Variants in CHCHD3 observed in about 807,000 individuals in gnomAD.
CHCHD3 encodes MICOS complex subunit MIC19.
A neutral mutation model predicts 38.2 loss-of-function variants in CHCHD3; 20 were observed. That is an observed-to-expected ratio of 0.52 (90% confidence interval 0.37 to 0.76). The LOEUF (loss-of-function observed/expected upper bound fraction) is 0.76, where lower values mean the gene tolerates loss of function less well. CHCHD3 is among the 30% of genes least tolerant of loss of function. The probability of loss-of-function intolerance (pLI) is 0.00; values close to 1 mark genes in which losing one functional copy is unlikely to be tolerated. For missense variants in CHCHD3, 245 were observed against 279.2 expected, an observed-to-expected ratio of 0.88 and a Z score of 0.87; for synonymous variants, 82 against 100.0, an observed-to-expected ratio of 0.82 and a Z score of 1.07.
chr7:132,810,953 A>C (rs997291037), intron 6 of CHCHD3, among the ~76,000 whole-genome samples: 1 of 152,180 alleles, frequency 6.6e-6, no homozygotes, highest in Admixed American at 6.5e-5. Flanking sequence ...CTTCTTTGGT[A>C]AACTCACTCT....
chr7:132,910,826 C>A (rs1340068291), intron 4 of CHCHD3, among the ~76,000 whole-genome samples: 1 of 152,176 alleles, frequency 6.6e-6, no homozygotes, highest in African/African-American at 2.4e-5. Flanking sequence ...CTGACCCTAC[C>A]GAGTCTGAGT....
chr7:132,984,054 T>C (rs2117351322), intron 3 of CHCHD3, among the ~76,000 whole-genome samples: 2 of 151,632 alleles, frequency 1.3e-5, no homozygotes, highest in South Asian at 4.2e-4. Flanking sequence ...CTCCCCATGG[T>C]CTCCCTCTCC....
intron 4 of CHCHD3, among the ~76,000 whole-genome samples, chr7:132,920,197 G>A (rs936478879): frequency 6.6e-6 from 1 of 152,124 alleles, no homozygotes; most frequent in African/African-American, 2.4e-5. Context: ...TGGAAATAAA[G>A]TTTTATCGGA....
chr7:132,918,313 G>A lies in CHCHD3; in HGVS notation c.370-32568C>T, dbSNP rs140272494. On this transcript the variant is annotated intron_variant, in intron 4 of 7. Coordinates refer to ENST00000262570, the MANE Select transcript of CHCHD3 (RefSeq NM_017812.4). ...GACTTCATGGGCTACCCAGGCTTTA[G>A]ATTCCCCATCAGTAAAATGAAGCTA... Among the ~76,000 whole-genome samples the A allele has an allele frequency of 2.1e-3, 327 of 152,310 alleles. 1 individual carries two copies. Among genetic ancestry groups the A allele is most frequent in the African/African-American group, 7.4e-3 (306 of 41,578 alleles).
At chr7:132,862,421 G>A (rs183120270) in intron 5 of CHCHD3, among the ~76,000 whole-genome samples, 12 of 152,132 alleles carry the variant, frequency 7.9e-5, no homozygotes, top group African/African-American at 2.2e-4. Context: ...TCTGTTAAGC[G>A]TGCAATAGCA....
intron 4 of CHCHD3, among the ~76,000 whole-genome samples, chr7:132,898,110 C>T (rs984121274): frequency 2.0e-5 from 3 of 152,082 alleles, no homozygotes; most frequent in African/African-American, 7.2e-5. Flanking sequence ...AAGCTGCAGA[C>T]CTTCGCGGTG....
Position 133,017,070 on chromosome 7 carries a change from AAG to A in CHCHD3, c.251+7474_251+7475del, listed in dbSNP as rs370845571. Among the ~76,000 whole-genome samples, 493 of 152,366 alleles carry A rather than the reference AAG, an allele frequency of 3.2e-3. 3 individuals carry two copies. In the South Asian group the frequency reaches 0.037, roughly 12 times the overall value. On this transcript the variant is annotated intron_variant, in intron 3 of 7. Coordinates refer to ENST00000262570, the MANE Select transcript of CHCHD3 (RefSeq NM_017812.4). ...ACCTTGACCAAAGTTTTCTTGAAGA[AAG>A]CCCCAGTTAGCACAAGGGCCTGGGT...
chr7:132,876,164 C>T (rs887359144), intron 5 of CHCHD3, among the ~76,000 whole-genome samples: 1 of 152,100 alleles, frequency 6.6e-6, no homozygotes, highest in African/African-American at 2.4e-5. Context: ...AAATGAAGTA[C>T]ATTTGAAATT....
At chr7:132,858,964 G>A (rs1808414746) in intron 5 of CHCHD3, among the ~76,000 whole-genome samples, 1 of 152,132 alleles carries the variant, frequency 6.6e-6, no homozygotes, top group East Asian at 1.9e-4. Flanking sequence ...TAATTTACCA[G>A]GTCATTTGAG....
At chr7:132,883,030 T>G (rs1236123182) in intron 5 of CHCHD3, among the ~76,000 whole-genome samples, 2 of 135,770 alleles carry the variant, frequency 1.5e-5, no homozygotes, top group Non-Finnish European at 3.4e-5. Context: ...TAGTTTCCCC[T>G]GCACGCTCTC....
At chr7:133,028,142 A>G (rs554527505) in intron 2 of CHCHD3, among the ~76,000 whole-genome samples, 3 of 152,334 alleles carry the variant, frequency 2.0e-5, no homozygotes, top group South Asian at 4.1e-4. Context: ...AATTAGTATG[A>G]TTGATCATAC....
intron 3 of CHCHD3, among the ~76,000 whole-genome samples, chr7:132,991,823 A>G (rs1396814781): frequency 1.3e-5 from 2 of 152,024 alleles, no homozygotes; most frequent in Non-Finnish European, 2.9e-5. Flanking sequence ...CTGGTCTATC[A>G]TTTATGTACA....
At chr7:132,834,421 C>T (rs1362256032) in intron 6 of CHCHD3, among the ~76,000 whole-genome samples, 1 of 152,150 alleles carries the variant, frequency 6.6e-6, no homozygotes, top group East Asian at 1.9e-4. Flanking sequence ...AGAATTTCTT[C>T]AAAGTGTGTT....
intron 2 of CHCHD3, among the ~76,000 whole-genome samples, chr7:133,025,756 GGCCTCCC>G (rs1371561144): frequency 1.3e-5 from 2 of 152,134 alleles, no homozygotes; most frequent in Non-Finnish European, 2.9e-5. Flanking sequence ...CGCCCACCTT[GGCCTCCC>G]AAAGTGCTGG....
At chr7:132,851,470 G>A (rs1808217637) in intron 5 of CHCHD3, among the ~76,000 whole-genome samples, 1 of 151,878 alleles carries the variant, frequency 6.6e-6, no homozygotes. Context: ...TTCTATTATT[G>A]TAGCTCTTCT....
intron 5 of CHCHD3, among the ~76,000 whole-genome samples, chr7:132,839,205 A>C (rs1807877234): frequency 6.6e-6 from 1 of 152,108 alleles, no homozygotes; most frequent in African/African-American, 2.4e-5. Context: ...AAAAAAAAAA[A>C]AGTTTTCTTT....
intron 3 of CHCHD3, among the ~76,000 whole-genome samples, chr7:132,977,893 A>G (rs1306095656): frequency 6.6e-6 from 1 of 152,206 alleles, no homozygotes; most frequent in African/African-American, 2.4e-5. Flanking sequence ...AGTTAATGAA[A>G]AAGAAGCAAA....
At chr7:133,016,268 T>C (rs1813027827) in intron 3 of CHCHD3, among the ~76,000 whole-genome samples, 1 of 152,166 alleles carries the variant, frequency 6.6e-6, no homozygotes, top group African/African-American at 2.4e-5. Context: ...CTTAGAACAG[T>C]GCTTAGCACA....
At chr7:133,036,710 C>A (rs1489581100) in intron 2 of CHCHD3, among the ~76,000 whole-genome samples, 1 of 152,062 alleles carries the variant, frequency 6.6e-6, no homozygotes, top group South Asian at 2.1e-4. Flanking sequence ...AGATGAAATG[C>A]CGTAGAATGA....
Sources: gnomAD v4.1 joint callset for allele counts (sites outside exome capture counted in the v4.1 genomes callset) on GRCh38, gnomAD v4.1.1 for gene constraint, MANE v1.5 for transcripts, NCBI Gene and HGNC (gene_info 2026-07-23, HGNC 2026-07-21) for gene names.